Variants in RUNX3 observed in about 807,000 individuals in gnomAD.
RUNX3 encodes the protein RUNX family transcription factor 3, also known as runt-related transcription factor 3.
In RUNX3, 10 loss-of-function variants were observed where a neutral mutation model predicts 27.7. That is an observed-to-expected ratio of 0.36 (90% CI 0.22 to 0.61). The LOEUF (loss-of-function observed/expected upper bound fraction) is 0.61. RUNX3 is among the 20% of genes least tolerant of loss of function. The pLI is 0.72. For missense variants in RUNX3, 469 were observed against 629.5 expected, an observed-to-expected ratio of 0.75 and a Z score of 2.73; for synonymous variants, 270 against 269.2, an observed-to-expected ratio of 1.00 and a Z score of -0.03.
upstream of RUNX3, among the ~76,000 whole-genome samples, chr1:24,931,643 T>A (rs1022147896): frequency 7.9e-5 from 12 of 152,042 alleles, no homozygotes; most frequent in African/African-American, 2.9e-4. Context: ...AAGCTTAGGA[T>A]CCGACGGTGG....
chr1:24,949,065 G>A (rs1329036168), intron 2 of RUNX3, among the ~76,000 whole-genome samples: 3 of 151,980 alleles, frequency 2.0e-5, no homozygotes, highest in Non-Finnish European at 2.9e-5. Flanking sequence ...TGAACACTGC[G>A]AGTGTCTTTG....
rs918366807 is a variant in RUNX3 at position 24,927,306 on chromosome 1, C to G, written c.439+268G>C. On this transcript the variant is annotated intron_variant, in intron 2 of 4. Transcript: ENST00000308873. The surrounding 1 kb of genome is among the most constrained non-coding windows in gnomAD (Gnocchi z 5.0). The stretch of plus-strand genomic sequence containing the variant: ...TTTTGTGAGACCAGGTGTGCTTAAC[C>G]GGGAAAGAGGGGGTGGCATGAACGG... Among the ~76,000 whole-genome samples, 1 of 152,036 alleles carries G rather than the reference C, an allele frequency of 6.6e-6. No individual in the cohort carries two copies. The highest frequency in any genetic ancestry group is 1.5e-5 in the Non-Finnish European group (1 of 68,016).
At chr1:24,941,169 C>T (rs985829203) in intron 2 of RUNX3, among the ~76,000 whole-genome samples, 1 of 152,170 alleles carries the variant, frequency 6.6e-6, no homozygotes, top group African/African-American at 2.4e-5. Context: ...CTCATCATGG[C>T]AACCCCCACC....
intron 3 of RUNX3, among the ~76,000 whole-genome samples, chr1:24,913,663 T>C (rs1640835233): frequency 1.3e-5 from 2 of 152,190 alleles, no homozygotes; most frequent in Admixed American, 6.5e-5. Context: ...CCCCAGCCAG[T>C]CTGGGGACTC....
chr1:24,965,093 C>T (rs930149504), upstream of RUNX3: 22 of 164,866 alleles, frequency 1.3e-4, no homozygotes, highest in Admixed American at 3.4e-4. This position sits in a 1 kb window ranked among gnomAD's most constrained non-coding sequence, Gnocchi z 5.4. Flanking sequence ...AACCAGCTCC[C>T]GCGCAGGGCC....
At chr1:24,959,319 G>C (rs547146808) in intron 2 of RUNX3, among the ~76,000 whole-genome samples, 38 of 152,224 alleles carry the variant, frequency 2.5e-4, no homozygotes, top group Admixed American at 1.1e-3. Flanking sequence ...TGTGGGCAGT[G>C]GGGGGCTCCT....
intron 4 of RUNX3, among the ~76,000 whole-genome samples, chr1:24,906,951 A>C (rs1640675749): frequency 6.6e-6 from 1 of 152,162 alleles, no homozygotes; most frequent in African/African-American, 2.4e-5. Context: ...CCCAATTTTA[A>C]TAGGGGCACT....
At position 24,929,567 on chromosome 1, in the gene RUNX3, G is replaced by T; in HGVS notation, c.282+20C>A. The stretch of plus-strand genomic sequence containing the variant: ...GGAGCCCCAGGGCCGGCGCCCTCCC[G>T]CCCCGGGTCCCGCACTCACCTTGAA... On this transcript the variant is annotated intron_variant, in intron 1 of 4. Transcript: ENST00000308873. 1 of 1,592,250 alleles carries T rather than the reference G, an allele frequency of 6.3e-7. No individual in the cohort carries two copies.
rs866754669 is a variant in RUNX3 at position 24,927,316 on chromosome 1, G to T, written c.439+258C>A. Among the ~76,000 whole-genome samples, 6 of 152,138 alleles carry T rather than the reference G, an allele frequency of 3.9e-5. No individual in the cohort carries two copies. Among genetic ancestry groups the T allele is most frequent in the Non-Finnish European group, 5.9e-5 (4 of 68,030 alleles). ...CCAGGTGTGCTTAACCGGGAAAGAG[G>T]GGGTGGCATGAACGGTTTCAGGAGT... On this transcript the variant is annotated intron_variant, in intron 2 of 4. Transcript: ENST00000308873. The surrounding 1 kb of genome is among the most constrained non-coding windows in gnomAD (Gnocchi z 5.0).
intron 2 of RUNX3, among the ~76,000 whole-genome samples, chr1:24,950,581 C>T (rs1641734822): frequency 6.6e-6 from 1 of 152,232 alleles, no homozygotes; most frequent in African/African-American, 2.4e-5. Context: ...AGCCCTGGAA[C>T]ATAGCAGTCT....
At chr1:24,908,356 G>A (rs1464091825) in intron 3 of RUNX3, among the ~76,000 whole-genome samples, 1 of 152,186 alleles carries the variant, frequency 6.6e-6, no homozygotes, top group African/African-American at 2.4e-5. Context: ...GGCAGAAGAG[G>A]AAACTGAGGG....
intron 3 of RUNX3, among the ~76,000 whole-genome samples, chr1:24,911,597 AAG>A (rs918527416): frequency 2.6e-4 from 40 of 152,316 alleles, no homozygotes; most frequent in African/African-American, 9.4e-4. Flanking sequence ...CTCATGCCCA[AAG>A]GAAGCAGAAC....
Position 24,930,071 on chromosome 1 carries a change from C to A in RUNX3, c.-203G>T. ...CTGCGAGGCCTCGCTGGCCCGACGGCCGCCCGCAGCCTGCCCGGCTAGTCC... is the reference window on the plus strand; with the variant it reads ...CTGCGAGGCCTCGCTGGCCCGACGGACGCCCGCAGCCTGCCCGGCTAGTCC... On this transcript the variant is annotated 5_prime_UTR_variant, in exon 1 of 5. Coordinates refer to ENST00000308873, the MANE Select transcript of RUNX3 (RefSeq NM_004350.3). The surrounding 1 kb of genome is among the most constrained non-coding windows in gnomAD (Gnocchi z 4.1). The A allele has an allele frequency of 1.0e-6, 1 of 980,288 alleles. No individual in the cohort carries two copies. The highest frequency in any genetic ancestry group is 4.7e-5 in the South Asian group (1 of 21,278). The allele number at this position is 980,288 out of a possible 1,614,324, so 60.7% of individuals were successfully genotyped here.
intron 1 of RUNX3, chr1:24,929,265 G>T: frequency 1.7e-6 from 1 of 592,794 alleles, no homozygotes; most frequent in Non-Finnish European, 3.2e-6. Context: ...TCCGTTACCC[G>T]CAGGGCTGTA....
At chr1:24,959,727 G>T (rs1029365682) in intron 2 of RUNX3, among the ~76,000 whole-genome samples, 1 of 152,112 alleles carries the variant, frequency 6.6e-6, no homozygotes, top group African/African-American at 2.4e-5. Flanking sequence ...AGACCATCTC[G>T]GCCAGACCTG....
At position 24,930,200 on chromosome 1, in the gene RUNX3, C is replaced by G. The variant is rs1641191493; in HGVS notation, c.-332G>C. The G allele has an allele frequency of 7.1e-6, 7 of 980,968 alleles. No homozygotes were observed. Among genetic ancestry groups the G allele is most frequent in the Non-Finnish European group, 8.5e-6 (7 of 828,014 alleles). 60.8% of individuals were successfully genotyped at this position (980,968 alleles called of 1,614,324 possible). ...CGGGGCTGTGCCGCTGCCGCCGCCT[C>G]CCGCCCCGAAGCTCGCCCGCGGCCG... On this transcript the variant is annotated 5_prime_UTR_variant, in exon 1 of 5. Transcript: ENST00000308873. This position sits in a 1 kb window ranked among gnomAD's most constrained non-coding sequence, Gnocchi z 4.1.
intron 2 of RUNX3, among the ~76,000 whole-genome samples, chr1:24,952,431 TGCA>T (rs1641789532): frequency 6.6e-6 from 1 of 152,254 alleles, no homozygotes; most frequent in South Asian, 2.1e-4. Flanking sequence ...TGACAAGTCC[TGCA>T]GCAAAACACC....
At chr1:24,914,744 G>A (rs1170756582) in intron 3 of RUNX3, among the ~76,000 whole-genome samples, 1 of 152,138 alleles carries the variant, frequency 6.6e-6, no homozygotes, top group East Asian at 1.9e-4. Flanking sequence ...TGGAGCAGCT[G>A]CCTCTCCTCA....
At chr1:24,921,100 A>G (rs1273066593) in intron 2 of RUNX3, among the ~76,000 whole-genome samples, 1 of 152,156 alleles carries the variant, frequency 6.6e-6, no homozygotes, top group Non-Finnish European at 1.5e-5. Context: ...GGTCAAGGAG[A>G]GAGGCTGCCC....
Sources: allele counts gnomAD v4.1 joint callset (sites outside exome capture counted in the v4.1 genomes callset), GRCh38; gene constraint gnomAD v4.1.1; non-coding constraint Gnocchi (gnomAD v3.1); transcripts MANE v1.5; gene names NCBI Gene and HGNC (gene_info 2026-07-23, HGNC 2026-07-21).